KIF6: variants seen among roughly 807,000 people sequenced by gnomAD.
KIF6 encodes kinesin family member 6, also known as kinesin-like protein KIF6.
A neutral mutation model predicts 112.7 loss-of-function variants in KIF6; 106 were observed. The observed-to-expected ratio is 0.94, with a 90% CI of 0.80 to 1.11. The LOEUF (loss-of-function observed/expected upper bound fraction) is 1.11, where lower values mean the gene tolerates loss of function less well. KIF6 is among the 50% of genes least tolerant of loss of function. The pLI is 0.00. For synonymous variants in KIF6, 339 were observed against 339.9 expected (o/e 1.00, Z 0.03); for missense variants, 929 against 964.0 (o/e 0.96, Z 0.48).
chr6:39,594,348 AAAAC>A (rs1782124969), intron 7 of KIF6, among the ~76,000 whole-genome samples: 1 of 152,244 alleles, frequency 6.6e-6, no homozygotes, highest in South Asian at 2.1e-4. Flanking sequence ...GCTACCATCC[AAAAC>A]AAGCAGACAC....
At chr6:39,556,044 T>G (rs913020488) in intron 10 of KIF6, among the ~76,000 whole-genome samples, 1 of 151,714 alleles carries the variant, frequency 6.6e-6, no homozygotes, top group Non-Finnish European at 1.5e-5. Context: ...AAAAGGAAAT[T>G]GTAATATTTG....
At chr6:39,415,032 C>CA (rs547309648) in intron 15 of KIF6, among the ~76,000 whole-genome samples, 21 of 151,272 alleles carry the variant, frequency 1.4e-4, no homozygotes, top group Non-Finnish European at 1.2e-4. Flanking sequence ...ACTAAAAATA[C>CA]AAAAAATTAG....
rs189807119 is a variant in KIF6, at chr6:39,601,908, A to G, written c.640-5648T>C. Among the ~76,000 whole-genome samples the G allele has an allele frequency of 2.6e-4, 40 of 152,170 alleles. No individual in the cohort carries two copies. In the East Asian group the frequency reaches 4.8e-3, roughly 18 times the overall value. ...CATGAAGCAGTGGGGCAGACCAACA[A>G]CATTCCCAGAAGACCACCTCTGCTC... On this transcript the variant is annotated intron_variant, in intron 6 of 22. Transcript: ENST00000287152.
intron 3 of KIF6, among the ~76,000 whole-genome samples, chr6:39,684,433 T>C (rs1452798890): frequency 6.6e-6 from 1 of 151,944 alleles, no homozygotes; most frequent in Non-Finnish European, 1.5e-5. Flanking sequence ...CTGACCAACA[T>C]GGAGAAACCC....
intron 16 of KIF6, among the ~76,000 whole-genome samples, chr6:39,369,428 G>C (rs915008342): frequency 2.0e-5 from 3 of 152,200 alleles, no homozygotes; most frequent in African/African-American, 7.2e-5. Flanking sequence ...AGGAAGAGCA[G>C]GGCACTCTGT....
intron 13 of KIF6, among the ~76,000 whole-genome samples, chr6:39,457,440 CT>C (rs1290379016): frequency 6.9e-6 from 1 of 145,034 alleles, no homozygotes; most frequent in East Asian, 2.1e-4. Context: ...AATTGACACC[CT>C]AACATCACAA....
intron 13 of KIF6, among the ~76,000 whole-genome samples, chr6:39,449,757 A>G (rs1772562969): frequency 6.6e-6 from 1 of 152,230 alleles, no homozygotes; most frequent in Non-Finnish European, 1.5e-5. Context: ...GTCCTCTGAT[A>G]GGTACCAGAT....
chr6:39,586,050 A>C (rs1412672043), intron 8 of KIF6, among the ~76,000 whole-genome samples: 1 of 152,202 alleles, frequency 6.6e-6, no homozygotes, highest in Non-Finnish European at 1.5e-5. Flanking sequence ...TGCTATGTGA[A>C]GTCAATTCTC....
chr6:39,508,069 T>C (rs944936206), intron 13 of KIF6, among the ~76,000 whole-genome samples: 1 of 151,118 alleles, frequency 6.6e-6, no homozygotes, highest in Non-Finnish European at 1.5e-5. Flanking sequence ...TGCTTTTCTT[T>C]TTTTTGTTGT....
chr6:39,543,882 C>T (rs542224152), intron 12 of KIF6, among the ~76,000 whole-genome samples: 7 of 152,308 alleles, frequency 4.6e-5, no homozygotes, highest in African/African-American at 1.7e-4. Flanking sequence ...ACCCAAAATA[C>T]ACTGCCTCTT....
chr6:39,370,898 G>T (rs1248225935), intron 16 of KIF6, among the ~76,000 whole-genome samples: 1 of 152,096 alleles, frequency 6.6e-6, no homozygotes, highest in Admixed American at 6.5e-5. Flanking sequence ...TGGGGCATGG[G>T]CTGATGATCT....
At chr6:39,624,718 T>C (rs553845471) in intron 5 of KIF6, among the ~76,000 whole-genome samples, 1 of 152,320 alleles carries the variant, frequency 6.6e-6, no homozygotes, top group African/African-American at 2.4e-5. Flanking sequence ...GACAGTGTTT[T>C]TCCTGTCATT....
At chr6:39,362,019 T>G (rs981611923) in intron 17 of KIF6, among the ~76,000 whole-genome samples, 1 of 152,172 alleles carries the variant, frequency 6.6e-6, no homozygotes, top group Non-Finnish European at 1.5e-5. Context: ...AATGGCTACA[T>G]GCCTGTTTAT....
chr6:39,629,455 A>G (rs1485999951), intron 5 of KIF6, among the ~76,000 whole-genome samples: 1 of 152,080 alleles, frequency 6.6e-6, no homozygotes, highest in Non-Finnish European at 1.5e-5. Flanking sequence ...TATTTGCCAT[A>G]TGTGTATCTT....
At chr6:39,488,186 T>C (rs1775247963) in intron 13 of KIF6, among the ~76,000 whole-genome samples, 2 of 152,222 alleles carry the variant, frequency 1.3e-5, no homozygotes, top group South Asian at 4.1e-4. Context: ...TGACAGAGGA[T>C]ACCCACTTGC....
intron 18 of KIF6, among the ~76,000 whole-genome samples, chr6:39,359,206 T>C (rs902001761): frequency 2.0e-5 from 3 of 152,186 alleles, no homozygotes; most frequent in Admixed American, 6.5e-5. Context: ...TCAGTAAGCA[T>C]TCTGCCAGCC....
intron 5 of KIF6, among the ~76,000 whole-genome samples, chr6:39,623,649 CT>C (rs1328954477): frequency 6.6e-6 from 1 of 152,144 alleles, no homozygotes; most frequent in Non-Finnish European, 1.5e-5. Flanking sequence ...TACCATCAGT[CT>C]TATCTCTGTT....
chr6:39,389,654 C>A (rs1158305381), intron 15 of KIF6, among the ~76,000 whole-genome samples: 8 of 152,188 alleles, frequency 5.3e-5, no homozygotes, highest in Non-Finnish European at 1.0e-4. Context: ...CCACACAGCA[C>A]TCTGGGCAGC....
chr6:39,348,280 A>C (rs1468117281), intron 19 of KIF6, among the ~76,000 whole-genome samples: 2 of 152,134 alleles, frequency 1.3e-5, no homozygotes, highest in Non-Finnish European at 2.9e-5. Context: ...ACAGGTGCCA[A>C]ACTATTGAAA....
Sources: gnomAD v4.1 joint callset for allele counts (sites outside exome capture counted in the v4.1 genomes callset) on GRCh38, gnomAD v4.1.1 for gene constraint, MANE v1.5 for transcripts, NCBI Gene and HGNC (gene_info 2026-07-23, HGNC 2026-07-21) for gene names.